PDE4B: variants seen among roughly 807,000 people sequenced by gnomAD.
The protein encoded by PDE4B is phosphodiesterase 4B.
A neutral mutation model predicts 82.2 loss-of-function variants in PDE4B; 20 were observed. The observed-to-expected ratio is 0.24, with a 90% CI of 0.17 to 0.35. The LOEUF is 0.35. PDE4B is among the 10% of genes least tolerant of loss of function. PDE4B has a pLI of 1.00. For missense variants in PDE4B, 655 were observed against 907.2 expected (o/e 0.72, Z 3.57); for synonymous variants, 320 against 318.9 (o/e 1.00, Z -0.04).
intron 3 of PDE4B, among the ~76,000 whole-genome samples, chr1:66,119,667 T>G (rs1645670485): frequency 6.6e-6 from 1 of 152,206 alleles, no homozygotes; most frequent in Non-Finnish European, 1.5e-5. Flanking sequence ...TTTTGGATTG[T>G]GGACATTGTC....
chr1:66,361,287 C>T (rs1662747852), intron 9 of PDE4B, among the ~76,000 whole-genome samples: 1 of 152,104 alleles, frequency 6.6e-6, no homozygotes, highest in Non-Finnish European at 1.5e-5. Context: ...ACTCCTTATA[C>T]ACTCCTTATA....
intron 3 of PDE4B, among the ~76,000 whole-genome samples, chr1:66,188,763 A>G (rs1046885129): frequency 2.0e-5 from 3 of 151,734 alleles, no homozygotes; most frequent in African/African-American, 4.8e-5. Context: ...AATACAGCAC[A>G]CTGATCGGTC....
chr1:65,938,488 G>T (rs2100539472), intron 3 of PDE4B, among the ~76,000 whole-genome samples: 1 of 152,298 alleles, frequency 6.6e-6, no homozygotes, highest in South Asian at 2.1e-4. Context: ...ATTCAAATGT[G>T]TGGTTATTTC....
At chr1:66,139,420 A>C (rs986826026) in intron 3 of PDE4B, among the ~76,000 whole-genome samples, 3 of 151,968 alleles carry the variant, frequency 2.0e-5, no homozygotes, top group African/African-American at 7.2e-5. Flanking sequence ...CAGCAAAGGC[A>C]CGCCCTTCTA....
chr1:66,320,946 T>C (rs565856116), intron 7 of PDE4B, among the ~76,000 whole-genome samples: 1 of 152,276 alleles, frequency 6.6e-6, no homozygotes, highest in African/African-American at 2.4e-5. Context: ...TTTAGGCAGA[T>C]AGAAATGCTT....
intron 16 of PDE4B, among the ~76,000 whole-genome samples, chr1:66,371,750 C>G (rs1378857607): frequency 6.6e-6 from 1 of 152,162 alleles, no homozygotes; most frequent in Non-Finnish European, 1.5e-5. Context: ...TAGTCAGGAG[C>G]CAGCTCCTCA....
At chr1:65,906,894 G>A (rs1373577413) in intron 1 of PDE4B, among the ~76,000 whole-genome samples, 1 of 152,122 alleles carries the variant, frequency 6.6e-6, no homozygotes, top group East Asian at 1.9e-4. Context: ...ATGCCATTAT[G>A]TCTTTGTTAC....
intron 1 of PDE4B, among the ~76,000 whole-genome samples, chr1:65,830,739 T>C (rs1570987020): frequency 6.6e-6 from 1 of 152,182 alleles, no homozygotes; most frequent in East Asian, 1.9e-4. Flanking sequence ...TTCAGTGCAA[T>C]GTGATCCTGG....
intron 3 of PDE4B, among the ~76,000 whole-genome samples, chr1:65,979,837 T>C (rs768272922): frequency 6.6e-6 from 1 of 152,186 alleles, no homozygotes; most frequent in African/African-American, 2.4e-5. Context: ...GTCTCTGTTG[T>C]TTCAGGGCTT....
chr1:65,959,310 G>A lies in PDE4B; in HGVS notation c.281+40475G>A, dbSNP rs182433935. On this transcript the variant is annotated intron_variant, in intron 3 of 16. Coordinates refer to ENST00000341517, the MANE Select transcript of PDE4B (RefSeq NM_002600.4). ...GAGAAGACTAGGTACTGTTGTGTTT[G>A]ATAGTGTGTATGTATGGTAATTTTC... Among the ~76,000 whole-genome samples, 27 of 152,282 alleles carry A rather than the reference G, an allele frequency of 1.8e-4. 1 individual carries two copies. Among genetic ancestry groups the A allele is most frequent in the Admixed American group, 1.7e-3 (26 of 15,284 alleles).
intron 3 of PDE4B, among the ~76,000 whole-genome samples, chr1:66,190,267 G>T (rs1647651060): frequency 6.6e-6 from 1 of 152,200 alleles, no homozygotes; most frequent in Admixed American, 6.5e-5. Flanking sequence ...TCCCAGTTAG[G>T]CTACTCGGGG....
At chr1:66,103,754 C>G (rs2503163) in intron 3 of PDE4B, among the ~76,000 whole-genome samples, 151,745 of 152,172 alleles carry the variant, frequency 1, 75,661 homozygotes, top group Middle Eastern at 1. Context: ...GTTGGAACTT[C>G]TTGGGCTTCC....
intron 1 of PDE4B, among the ~76,000 whole-genome samples, chr1:65,873,957 G>A (rs1286840641): frequency 6.7e-6 from 1 of 148,256 alleles, no homozygotes; most frequent in Non-Finnish European, 1.5e-5. Context: ...TGTGAAGAAA[G>A]TCATTGGTAG....
intron 6 of PDE4B, among the ~76,000 whole-genome samples, chr1:66,259,285 G>A (rs1557664418): frequency 6.6e-6 from 1 of 152,118 alleles, no homozygotes; most frequent in Non-Finnish European, 1.5e-5. Context: ...ATATAATAGT[G>A]ACCAGAGCAG....
At chr1:65,887,239 TTTC>T (rs1245265742) in intron 1 of PDE4B, among the ~76,000 whole-genome samples, 358 of 13,114 alleles carry the variant, frequency 0.027, 2 homozygotes, top group South Asian at 0.051. Context: ...TCTTTCTTTC[TTTC>T]TTTCTTTTCT....
chr1:65,997,163 C>T (rs1056284777), intron 3 of PDE4B, among the ~76,000 whole-genome samples: 15 of 133,028 alleles, frequency 1.1e-4, no homozygotes, highest in African/African-American at 4.1e-4. Context: ...CCCCGCCCCC[C>T]ACCCTGCTGC....
At chr1:66,226,229 A>C (rs1042059918) in intron 3 of PDE4B, among the ~76,000 whole-genome samples, 1 of 152,284 alleles carries the variant, frequency 6.6e-6, no homozygotes, top group Admixed American at 6.5e-5. Context: ...AGTTTTATTT[A>C]AAATATCTTT....
At chr1:65,988,893 TA>T (rs1651097010) in intron 3 of PDE4B, among the ~76,000 whole-genome samples, 4 of 152,174 alleles carry the variant, frequency 2.6e-5, no homozygotes, top group Admixed American at 2.6e-4. Flanking sequence ...ATATTGAATA[TA>T]AAAAGTATGT....
intron 7 of PDE4B, among the ~76,000 whole-genome samples, chr1:66,311,683 G>A (rs1307468156): frequency 2.0e-5 from 3 of 152,242 alleles, no homozygotes; most frequent in Non-Finnish European, 4.4e-5. Context: ...TGCCAGGCCT[G>A]CTCAAGTTCA....
Sources: gnomAD v4.1 joint callset for allele counts (sites outside exome capture counted in the v4.1 genomes callset) on GRCh38, gnomAD v4.1.1 for gene constraint, MANE v1.5 for transcripts, NCBI Gene and HGNC (gene_info 2026-07-23, HGNC 2026-07-21) for gene names.